The following NMRK2 variants were observed in gnomAD, a reference collection of about 807,000 sequenced individuals.
The protein encoded by NMRK2 is nicotinamide riboside kinase 2, also known as NRK 2.
In NMRK2, 34 loss-of-function variants were observed where a neutral mutation model predicts 24.7. The observed-to-expected ratio is 1.37, with a 90% CI of 1.05 to 1.83. The LOEUF (loss-of-function observed/expected upper bound fraction) is 1.83, where lower values mean the gene tolerates loss of function less well. NMRK2 is among the 40% of genes most tolerant of loss of function. The pLI is 0.00. For missense variants in NMRK2, 341 were observed against 315.0 expected (o/e 1.08, Z -0.62); for synonymous variants, 145 against 125.6 (o/e 1.15, Z -1.03).
At chr19:3,934,203 T>C (rs2039171762) in intron 2 of NMRK2, among the ~76,000 whole-genome samples, 1 of 151,952 alleles carries the variant, frequency 6.6e-6, no homozygotes, top group African/African-American at 2.4e-5. Flanking sequence ...AGTGCGATCA[T>C]GCCACTTCAC....
In NMRK2 at chr19:3,933,546, G is replaced by T; in HGVS notation, c.-126G>T. On this transcript the variant is annotated 5_prime_UTR_variant, in exon 2 of 8. Transcript: ENST00000168977. The stretch of plus-strand genomic sequence containing the variant: ...CCGCCTCCCCCGGGGCGGCCTCCAG[G>T]CTGCCGAGACCTATAAAGGCGCCAG... 2.6e-6 allele frequency: 3 copies of T among 1,172,072 alleles called. No individual in the cohort carries two copies. Among genetic ancestry groups the T allele is most frequent in the Non-Finnish European group, 3.5e-6 (3 of 865,652 alleles). The allele number at this position is 1,172,072 out of a possible 1,614,324, so 72.6% of individuals were successfully genotyped here.
chr19:3,942,151 C>T lies in NMRK2; in HGVS notation c.571C>T (p.Leu191=). 1 of 1,613,354 alleles carries T rather than the reference C, an allele frequency of 6.2e-7. No individual in the cohort carries two copies. Among genetic ancestry groups the T allele is most frequent in the Non-Finnish European group, 8.5e-7 (1 of 1,180,014 alleles). ...REVLEDIQNS[L]LNRSQESAPS... is the part of the protein sequence containing the mutation. Reference sequence around the variant, plus strand: ...AGTCCTGGAAGACATTCAGAACTCGCTGCTGAACCGCTCCCAGGAATCAGC... The same window carrying T: ...AGTCCTGGAAGACATTCAGAACTCGTTGCTGAACCGCTCCCAGGAATCAGC... The change falls in exon 8 of 8, where the codon CTG becomes TTG. Residue 191 remains leucine, a synonymous_variant. Coordinates refer to ENST00000168977, the MANE Select transcript of NMRK2 (RefSeq NM_170678.3).
At chr19:3,935,428 G>T (rs1200030357) in intron 2 of NMRK2, among the ~76,000 whole-genome samples, 1 of 151,510 alleles carries the variant, frequency 6.6e-6, no homozygotes, top group Non-Finnish European at 1.5e-5. Context: ...GCTAATTTTT[G>T]TATTTTTACT....
chr19:3,941,994 T>A, intron 7 of NMRK2, 89 bp from the exon 8 acceptor site: 2 of 1,073,624 alleles, frequency 1.9e-6, no homozygotes, highest in South Asian at 2.9e-5. Flanking sequence ...TCTGCAGATC[T>A]CCTTGCTCCT....
chr19:3,938,861 T>TTTTTTTTA (rs2039275457), intron 5 of NMRK2, 102 bp downstream of exon 5: 1 of 1,005,194 alleles, frequency 9.9e-7, no homozygotes, highest in African/African-American at 1.8e-5. Context: ...TTTTTTTTTT[T>TTTTTTTTA]TTTGAGACAA....
rs965249997 is a variant in NMRK2 at position 3,941,307 on chromosome 19, T to A, written c.502+130T>A. On this transcript the variant is annotated intron_variant, in intron 7 of 7. Coordinates refer to ENST00000168977, the MANE Select transcript of NMRK2 (RefSeq NM_170678.3). ...CTCTGTCACCCAGGCTGGAGTACAG[T>A]GGCACGATCTTGGCTCACTGCAACC... The A allele has an allele frequency of 7.2e-6, 4 of 555,418 alleles. No homozygotes were observed. The African/African-American group carries it at 7.8e-5, about 11-fold the overall frequency. 34.4% of individuals were successfully genotyped at this position (555,418 alleles called of 1,614,324 possible).
chr19:3,933,953 T>TA (rs34748633), intron 2 of NMRK2, among the ~76,000 whole-genome samples: 73 of 149,578 alleles, frequency 4.9e-4, no homozygotes, highest in African/African-American at 1.5e-3. Context: ...ATACTCAGCA[T>TA]AAAAAAAAAA....
In NMRK2 at chr19:3,942,216, A is replaced by ACGCGGATGCGGC. The variant is rs1474309907; in HGVS notation, c.638_649dup (p.Arg213_Gly216dup). ...GCCCAGCCAGGACACAGGGACCCGG[A>ACGCGGATGCGGC]CGCGGATGCGGCCACAGAACGGCCA... On this transcript the variant is annotated inframe_insertion, in exon 8 of 8. Coordinates refer to ENST00000168977, the MANE Select transcript of NMRK2 (RefSeq NM_170678.3). 1 of 1,612,834 alleles carries ACGCGGATGCGGC rather than the reference A, an allele frequency of 6.2e-7. No individual in the cohort carries two copies. Among genetic ancestry groups the ACGCGGATGCGGC allele is most frequent in the Non-Finnish European group, 8.5e-7 (1 of 1,179,904 alleles).
chr19:3,942,359 A>C lies in NMRK2; in HGVS notation c.*86A>C. On this transcript the variant is annotated 3_prime_UTR_variant, in exon 8 of 8. Transcript: ENST00000168977. ...TCCCGGAGCTCAGGGACTGAGCCCC[A>C]AGACGCCTCTGTAACCTCGCTGCAG... is the stretch of plus-strand genomic sequence containing the variant. The C allele has an allele frequency of 5.5e-6, 7 of 1,275,028 alleles. No homozygotes were observed. The highest frequency in any genetic ancestry group is 7.5e-6 in the Non-Finnish European group (7 of 929,538). The allele number at this position is 1,275,028 out of a possible 1,614,324, so 79.0% of individuals were successfully genotyped here. A position where few individuals can be genotyped will look rare whatever the true frequency, so the allele number is the denominator to read the frequency against.
chr19:3,941,932 C>G, intron 7 of NMRK2, 151 bp from the exon 8 acceptor site: 1 of 630,090 alleles, frequency 1.6e-6, no homozygotes. Flanking sequence ...TGAGCCACCG[C>G]GCCCGGCCCC....
At position 3,937,228 on chromosome 19, in the gene NMRK2, CCT is replaced by C; in HGVS notation, c.118-9_118-8del. 1 of 1,613,022 alleles carries C rather than the reference CCT, an allele frequency of 6.2e-7. No individual in the cohort carries two copies. Among genetic ancestry groups the C allele is most frequent in the Non-Finnish European group, 8.5e-7 (1 of 1,179,434 alleles). ...GGGCACTGAGCCCGAGGTTCAGGCTCCTCTGTTTCAGCCCCAAGACCAAATAG... is the reference window on the plus strand; with the variant it reads ...GGGCACTGAGCCCGAGGTTCAGGCTCCTGTTTCAGCCCCAAGACCAAATAG... On this transcript the variant is annotated splice_polypyrimidine_tract_variant and intron_variant, in intron 3 of 7. Transcript: ENST00000168977.
chr19:3,937,214 C>T (rs1257072738), intron 3 of NMRK2, 26 bp from the exon 4 acceptor site: 2 of 1,612,258 alleles, frequency 1.2e-6, no homozygotes, highest in African/African-American at 2.7e-5. Flanking sequence ...GGCACTGAGC[C>T]CGAGGTTCAG....
intron 5 of NMRK2, 98 bp from the exon 6 acceptor site, chr19:3,939,802 C>T (rs930900936): frequency 3.1e-5 from 34 of 1,083,266 alleles, no homozygotes; most frequent in East Asian, 5.1e-5. Context: ...CCCATGTGCT[C>T]GCCACCCTCT....
At chr19:3,933,957 A>G (rs1324649023) in intron 2 of NMRK2, among the ~76,000 whole-genome samples, 1 of 152,072 alleles carries the variant, frequency 6.6e-6, no homozygotes, top group Non-Finnish European at 1.5e-5. Flanking sequence ...TCAGCATAAA[A>G]AAAAAATAGA....
At chr19:3,935,080 T>C (rs578157765) in intron 2 of NMRK2, among the ~76,000 whole-genome samples, 29 of 152,052 alleles carry the variant, frequency 1.9e-4, no homozygotes, top group African/African-American at 6.7e-4. Context: ...GATGGGAGTC[T>C]CACTATGTTG....
At position 3,933,618 on chromosome 19, in the gene NMRK2, C is replaced by A. The variant is rs893310419; in HGVS notation, c.-54C>A. The A allele has an allele frequency of 4.4e-5, 67 of 1,514,292 alleles. No homozygotes were observed. Among genetic ancestry groups the A allele is most frequent in the Non-Finnish European group, 5.7e-5 (64 of 1,132,432 alleles). The allele number at this position is 1,514,292 out of a possible 1,614,324, so 93.8% of individuals were successfully genotyped here. A position where few individuals can be genotyped will look rare whatever the true frequency, so the allele number is the denominator to read the frequency against. ...CGCACTCCGGAGCGCACTGCGTGGT[C>A]GCACCCTACCCGGGCTGCCTTGGAA... On this transcript the variant is annotated 5_prime_UTR_variant, in exon 2 of 8. An upstream open reading frame in the 5' UTR gains an earlier in-frame stop. Coordinates refer to ENST00000168977, the MANE Select transcript of NMRK2 (RefSeq NM_170678.3).
intron 5 of NMRK2, 91 bp downstream of exon 5, chr19:3,938,850 T>TGTG (rs1568180908): frequency 6.9e-4 from 127 of 184,722 alleles, no homozygotes; most frequent in South Asian, 2.5e-3. Context: ...TTTTGTTTTG[T>TGTG]TTTTTTTTTT....
Position 3,942,265 on chromosome 19 carries a change from A to C in NMRK2, c.685A>C (p.Ser229Arg), listed in dbSNP as rs144955421. The C allele has an allele frequency of 1.3e-5, 21 of 1,606,764 alleles. No individual in the cohort carries two copies. In the Admixed American group the frequency reaches 3.1e-4, roughly 23 times the overall value. ...CAGGCCTGCAGCGTCCCAGCAGGAC[A>C]GCATGTGAGCGTTTCCCTATGGGGG... Reference protein sequence around the residue: ...TARPAASQQDSM With the variant: ...TARPAASQQDRM Residue 229 changes from serine (S) to arginine (R), a missense_variant, in exon 8 of 8, where the codon AGC becomes CGC. Transcript: ENST00000168977.
intron 3 of NMRK2, 54 bp from the exon 4 acceptor site, chr19:3,937,186 G>A (rs1174420461): frequency 1.3e-5 from 21 of 1,589,322 alleles, no homozygotes; most frequent in Non-Finnish European, 1.8e-5. Flanking sequence ...CACCCAGGCC[G>A]GGGGTGAGGC....
Sources: gnomAD v4.1 joint callset for allele counts (sites outside exome capture counted in the v4.1 genomes callset) on GRCh38, gnomAD v4.1.1 for gene constraint, MANE v1.5 for transcripts, NCBI Gene and HGNC (gene_info 2026-07-23, HGNC 2026-07-21) for gene names.